MREG: variants seen among roughly 807,000 people sequenced by gnomAD.
MREG encodes the protein melanoregulin, also known as dilute suppressor protein homolog.
In MREG, 31 loss-of-function variants were observed where a neutral mutation model predicts 28.5. The ratio of observed to expected loss-of-function variants is 1.09; its 90% CI spans 0.82 to 1.47. MREG has a LOEUF of 1.47. Ranked by LOEUF, MREG falls within the 40% of genes most tolerant of loss-of-function variation. MREG has a pLI of 0.00. For synonymous variants in MREG, 106 were observed against 95.2 expected (o/e 1.11, Z -0.66); for missense variants, 256 against 257.4 (o/e 0.99, Z 0.04).
chr2:216,007,984 C>T (rs1011386643), intron 1 of MREG, among the ~76,000 whole-genome samples: 2 of 152,054 alleles, frequency 1.3e-5, no homozygotes, highest in South Asian at 2.1e-4. Context: ...ATCCTGCCAT[C>T]GGCTCACAGG....
chr2:216,004,995 G>A (rs1163856235), intron 1 of MREG, among the ~76,000 whole-genome samples: 1 of 152,170 alleles, frequency 6.6e-6, no homozygotes, highest in Non-Finnish European at 1.5e-5. Flanking sequence ...AAAGTGCAGA[G>A]GCGCTGAGGC....
At position 215,947,115 on chromosome 2, in the gene MREG, T is replaced by G. The variant is rs1692344936; in HGVS notation, c.256-2A>C. ...ATCATAGTTGAGCTTCTGCCACTCC[T>G]GCAGGAAAATAAAAGTTTAGTTTTA... On this transcript the variant is annotated splice_acceptor_variant, in intron 2 of 4. Coordinates refer to ENST00000263268, the MANE Select transcript of MREG (RefSeq NM_018000.3). LOFTEE classifies it high-confidence loss of function. 6.2e-7 allele frequency: 1 copy of G among 1,607,042 alleles called. No individual in the cohort carries two copies. The highest frequency in any genetic ancestry group is 8.5e-7 in the Non-Finnish European group (1 of 1,174,912).
Position 215,978,686 on chromosome 2 carries a change from C to T in MREG, c.255+17620G>A, listed in dbSNP as rs571443064. ...AGCACATCAAAAAGGTTATCCACCA[C>T]GATCAAGTCAGCTTCATCCCTGGGA... On this transcript the variant is annotated intron_variant, in intron 2 of 4. Transcript: ENST00000263268. Among the ~76,000 whole-genome samples, 8 of 152,288 alleles carry T rather than the reference C, an allele frequency of 5.3e-5. No individual in the cohort carries two copies. The South Asian group carries it at 6.2e-4, about 12-fold the overall frequency.
intron 1 of MREG, among the ~76,000 whole-genome samples, chr2:215,998,734 T>C (rs1693937794): frequency 6.6e-6 from 1 of 151,912 alleles, no homozygotes; most frequent in South Asian, 2.1e-4. Flanking sequence ...ATGTGAACTT[T>C]TATGAGCATG....
At chr2:216,021,665 A>C (rs920881758) in intron 1 of MREG, among the ~76,000 whole-genome samples, 1 of 152,108 alleles carries the variant, frequency 6.6e-6, no homozygotes, top group South Asian at 2.1e-4. Flanking sequence ...GGTTGTTTAG[A>C]GTATGGTCTT....
chr2:215,952,889 T>G (rs1201715326), intron 2 of MREG, among the ~76,000 whole-genome samples: 1 of 152,206 alleles, frequency 6.6e-6, no homozygotes, highest in Non-Finnish European at 1.5e-5. Context: ...TTCTCATATG[T>G]TAACTTTAAA....
chr2:215,942,404 G>A (rs13030380), downstream of MREG, among the ~76,000 whole-genome samples: 10,581 of 152,152 alleles, frequency 0.07, 450 homozygotes, highest in Non-Finnish European at 0.1. Context: ...GCACCCCTGC[G>A]CCCCTCTCAT....
At chr2:215,967,635 C>A (rs1003080535) in intron 2 of MREG, among the ~76,000 whole-genome samples, 1 of 152,114 alleles carries the variant, frequency 6.6e-6, no homozygotes. Context: ...CAGTCATTTG[C>A]GCCAAGCCTA....
At chr2:215,994,716 G>A (rs747299031) in intron 2 of MREG, among the ~76,000 whole-genome samples, 1 of 149,768 alleles carries the variant, frequency 6.7e-6, no homozygotes, top group Non-Finnish European at 1.5e-5. Flanking sequence ...GGCCACTTTA[G>A]AAGCTGTGCT....
Position 215,961,277 on chromosome 2 carries a change from T to C in MREG, c.256-14164A>G, listed in dbSNP as rs369976972. On this transcript the variant is annotated intron_variant, in intron 2 of 4. Transcript: ENST00000263268. Reference sequence around the variant, plus strand: ...GCACTCCCTTTAAGAAAGGTTTGTCTGTTGGTAAACAGAGCTGATGAAAAT... The same window carrying C: ...GCACTCCCTTTAAGAAAGGTTTGTCCGTTGGTAAACAGAGCTGATGAAAAT... 5.9e-5 allele frequency among the ~76,000 whole-genome samples: 9 copies of C among 152,346 alleles called. No homozygotes were observed. The East Asian group carries it at 1.2e-3, about 20-fold the overall frequency.
At chr2:215,951,352 ATTGTAATGAT>A (rs1692479627) in intron 2 of MREG, among the ~76,000 whole-genome samples, 1 of 152,256 alleles carries the variant, frequency 6.6e-6, no homozygotes, top group South Asian at 2.1e-4. Flanking sequence ...CAATTTTTAA[ATTGTAATGAT>A]TTATCTTTTA....
At chr2:215,940,728 G>C (rs1397107056), downstream of MREG, among the ~76,000 whole-genome samples, 1 of 152,164 alleles carries the variant, frequency 6.6e-6, no homozygotes, top group Non-Finnish European at 1.5e-5. Flanking sequence ...TTCCTGTGGA[G>C]GAGAGAAGGA....
At chr2:216,031,458 AG>A (rs1246304769) in intron 1 of MREG, among the ~76,000 whole-genome samples, 3 of 123,972 alleles carry the variant, frequency 2.4e-5, no homozygotes, top group African/African-American at 3.5e-5. Flanking sequence ...AAAGAAAGAG[AG>A]AAAGAAAGAA....
upstream of MREG, among the ~76,000 whole-genome samples, chr2:216,015,694 AGGGTGGT>A (rs1399837529): frequency 1.3e-5 from 2 of 152,204 alleles, no homozygotes; most frequent in Non-Finnish European, 2.9e-5. Flanking sequence ...GGTTTACACC[AGGGTGGT>A]GGGTGGTAGC....
At chr2:215,976,717 C>T (rs1426725218) in intron 2 of MREG, among the ~76,000 whole-genome samples, 1 of 152,050 alleles carries the variant, frequency 6.6e-6, no homozygotes, top group Non-Finnish European at 1.5e-5. Flanking sequence ...AGAGTGGGGG[C>T]CAATATTCAA....
chr2:216,024,449 CA>C (rs1339652646), intron 1 of MREG, among the ~76,000 whole-genome samples: 209 of 138,504 alleles, frequency 1.5e-3, no homozygotes, highest in Admixed American at 1.9e-3. Context: ...GACTCAGTCT[CA>C]AAAAAAAAAA....
intron 2 of MREG, among the ~76,000 whole-genome samples, chr2:215,990,799 G>A (rs972292167): frequency 6.6e-6 from 1 of 152,144 alleles, no homozygotes; most frequent in Admixed American, 6.5e-5. Context: ...AGACGAAGAA[G>A]GGCATTACAT....
intron 2 of MREG, among the ~76,000 whole-genome samples, chr2:215,990,599 G>C (rs750146566): frequency 1.3e-5 from 2 of 152,120 alleles, no homozygotes; most frequent in African/African-American, 4.8e-5. Flanking sequence ...ACACAGACTG[G>C]CAAATTGGAT....
intron 2 of MREG, among the ~76,000 whole-genome samples, chr2:215,985,741 G>A (rs1291761883): frequency 2.0e-5 from 3 of 152,026 alleles, no homozygotes; most frequent in Admixed American, 6.6e-5. Flanking sequence ...ATCATTCAGA[G>A]AATTCCAAAT....
Sources: gnomAD v4.1 joint callset for allele counts (sites outside exome capture counted in the v4.1 genomes callset) on GRCh38, gnomAD v4.1.1 for gene constraint, MANE v1.5 for transcripts, NCBI Gene and HGNC (gene_info 2026-07-23, HGNC 2026-07-21) for gene names.